BCAR3: variants seen among roughly 807,000 people sequenced by gnomAD.
BCAR3 encodes the protein BCAR3 adaptor protein, NSP family member, also known as breast cancer anti-estrogen resistance protein 3.
BCAR3 carries 37 observed loss-of-function variants against 80.1 expected under a neutral mutation model. The ratio of observed to expected loss-of-function variants is 0.46; its 90% CI spans 0.36 to 0.61. The LOEUF is 0.61. BCAR3 is among the 20% of genes least tolerant of loss of function. The pLI, the probability that BCAR3 is intolerant of heterozygous loss-of-function variation, is 0.00. For missense variants in BCAR3, 978 were observed against 1,068.2 expected (o/e 0.92, Z 1.18); for synonymous variants, 389 against 418.9 (o/e 0.93, Z 0.87).
At chr1:93,801,781 G>A (rs11165001) in intron 2 of BCAR3, among the ~76,000 whole-genome samples, 26,394 of 152,040 alleles carry the variant, frequency 0.17, 3,258 homozygotes, top group African/African-American at 0.34. Flanking sequence ...ACATAGTAAG[G>A]CATATATAGT....
chr1:93,745,597 CT>C (rs1359816510), intron 2 of BCAR3, among the ~76,000 whole-genome samples: 1 of 152,194 alleles, frequency 6.6e-6, no homozygotes, highest in Non-Finnish European at 1.5e-5. Context: ...TTGTCTCTTG[CT>C]ACTTGATGTG....
Position 93,567,391 on chromosome 1 carries a change from C to T in BCAR3, c.2187G>A (p.Met729Ile). 1 of 1,614,204 alleles carries T rather than the reference C, an allele frequency of 6.2e-7. No homozygotes were observed. Among genetic ancestry groups the T allele is most frequent in the Non-Finnish European group, 8.5e-7 (1 of 1,180,032 alleles). Residue 729 changes from methionine to isoleucine, a missense_variant, in exon 11 of 12, where the codon ATG (methionine) becomes ATA (isoleucine). Coordinates refer to ENST00000260502, the MANE Select transcript of BCAR3 (RefSeq NM_003567.4). ...CACAGCTCTGGTCGTTTTTTTCCCA[C>T]ATGTCGGTTCCTTCAAAAGTCACAG... ...RQAVTFEGTD[M>I]WEKNDQSCEI...
chr1:93,615,001 G>GT (rs1262619710), intron 3 of BCAR3, among the ~76,000 whole-genome samples: 8 of 139,014 alleles, frequency 5.8e-5, no homozygotes, highest in African/African-American at 2.3e-4. Flanking sequence ...TGCTCAACGA[G>GT]TTCTTTTTTT....
chr1:93,579,983 G>A (rs1348232912), intron 7 of BCAR3, among the ~76,000 whole-genome samples: 1 of 152,248 alleles, frequency 6.6e-6, no homozygotes, highest in African/African-American at 2.4e-5. Context: ...CACTGCCCGA[G>A]GCCATCTGGC....
intron 2 of BCAR3, among the ~76,000 whole-genome samples, chr1:93,744,665 G>C (rs1028163178): frequency 2.0e-4 from 30 of 152,236 alleles, no homozygotes; most frequent in East Asian, 5.8e-4. Flanking sequence ...CTGTACTGTC[G>C]ATCATAAAGG....
At position 93,668,852 on chromosome 1, in the gene BCAR3, T is replaced by C. The variant is rs779165592; in HGVS notation, c.317+5762A>G. On this transcript the variant is annotated intron_variant, in intron 2 of 11. Transcript: ENST00000260502. ...TCAGCCTCCCCAGTAGCTGGGATTA[T>C]AGGCATGTGCCACTACGCCCAACTA... is the stretch of plus-strand genomic sequence containing the variant. Among the ~76,000 whole-genome samples, 3 of 151,954 alleles carry C rather than the reference T, an allele frequency of 2.0e-5. No individual in the cohort carries two copies. In the South Asian group the frequency reaches 6.2e-4, roughly 32 times the overall value.
intron 3 of BCAR3, among the ~76,000 whole-genome samples, chr1:93,606,840 C>T (rs899842405): frequency 2.0e-5 from 3 of 152,156 alleles, no homozygotes; most frequent in African/African-American, 7.2e-5. Context: ...GGAGAACAAA[C>T]AGAATGCAGT....
chr1:93,732,884 C>T (rs1349094675), intron 2 of BCAR3, among the ~76,000 whole-genome samples: 1 of 152,208 alleles, frequency 6.6e-6, no homozygotes, highest in East Asian at 1.9e-4. Context: ...CAATGGTGCC[C>T]CTTCCTCCTA....
At chr1:93,759,316 C>A (rs1309637170) in intron 2 of BCAR3, among the ~76,000 whole-genome samples, 1 of 152,184 alleles carries the variant, frequency 6.6e-6, no homozygotes, top group African/African-American at 2.4e-5. Flanking sequence ...AGGTTTTTAA[C>A]CCTCCAGTGT....
chr1:93,699,439 C>T (rs1649556703), intron 3 of BCAR3, among the ~76,000 whole-genome samples: 1 of 152,126 alleles, frequency 6.6e-6, no homozygotes, highest in East Asian at 1.9e-4. Context: ...CTCCTTGCCT[C>T]CCCAACCCCA....
chr1:93,649,716 C>A lies in BCAR3; in HGVS notation c.318-7373G>T, dbSNP rs192826567. Among the ~76,000 whole-genome samples the A allele has an allele frequency of 5.3e-5, 8 of 151,946 alleles. No individual in the cohort carries two copies. In the South Asian group the frequency reaches 8.3e-4, roughly 16 times the overall value. On this transcript the variant is annotated intron_variant, in intron 2 of 11. Coordinates refer to ENST00000260502, the MANE Select transcript of BCAR3 (RefSeq NM_003567.4). ...GACTATATTGCCTTTTGTGATATGA[C>A]GAATAGACCAGCAGATCTAACGAAT...
At chr1:93,685,360 T>G (rs74101668), upstream of BCAR3, among the ~76,000 whole-genome samples, 3,942 of 152,102 alleles carry the variant, frequency 0.026, 179 homozygotes, top group African/African-American at 0.089. Context: ...TCTATGTGTG[T>G]GTGTGTGTGT....
chr1:93,709,698 A>C (rs1649952131), intron 2 of BCAR3, among the ~76,000 whole-genome samples: 1 of 152,218 alleles, frequency 6.6e-6, no homozygotes. Context: ...AGAAAAAGGA[A>C]GGCTGTTTAA....
chr1:93,741,205 T>G lies in BCAR3; in HGVS notation c.-62-35063A>C, dbSNP rs142185062. On this transcript the variant is annotated intron_variant, in intron 2 of 13. Coordinates refer to the BCAR3 transcript ENST00000370244. ...TAGTGGTTAGGCCCCAACATCCCAA[T>G]GACAGCAACGGCAGCAGGGCCCAGA... Among the ~76,000 whole-genome samples the G allele has an allele frequency of 3.3e-5, 5 of 152,314 alleles. No homozygotes were observed. In the East Asian group the frequency reaches 9.6e-4, roughly 29 times the overall value.
chr1:93,621,879 GT>G (rs1675326798), intron 3 of BCAR3, among the ~76,000 whole-genome samples: 7 of 152,064 alleles, frequency 4.6e-5, no homozygotes, highest in Admixed American at 4.6e-4. Flanking sequence ...TTTTGTTTTT[GT>G]TTTTGTTTTG....
chr1:93,571,333 C>G (rs1387002049), intron 9 of BCAR3, among the ~76,000 whole-genome samples: 1 of 151,982 alleles, frequency 6.6e-6, no homozygotes, highest in Non-Finnish European at 1.5e-5. Flanking sequence ...AACCCTGTCC[C>G]TACTAAAAAT....
chr1:93,837,135 T>C (rs1335513550), intron 2 of BCAR3, among the ~76,000 whole-genome samples: 2 of 152,134 alleles, frequency 1.3e-5, no homozygotes, highest in African/African-American at 4.8e-5. Context: ...GGAGAATCGC[T>C]TGAACCCGGG....
At chr1:93,688,415 CT>C (rs918469161) in intron 3 of BCAR3, among the ~76,000 whole-genome samples, 4 of 149,298 alleles carry the variant, frequency 2.7e-5, no homozygotes, top group Admixed American at 6.7e-5. Context: ...TAATTACTAG[CT>C]TTTTTTTTTC....
At chr1:93,733,831 G>T (rs1243027033) in intron 2 of BCAR3, among the ~76,000 whole-genome samples, 2 of 152,236 alleles carry the variant, frequency 1.3e-5, no homozygotes, top group African/African-American at 4.8e-5. Flanking sequence ...TAGTATAAAG[G>T]TTATTCAAAC....
Sources: allele counts gnomAD v4.1 joint callset (sites outside exome capture counted in the v4.1 genomes callset), GRCh38; gene constraint gnomAD v4.1.1; transcripts MANE v1.5; gene names NCBI Gene and HGNC (gene_info 2026-07-23, HGNC 2026-07-21).